The following CDKL5 variants were observed in gnomAD, a reference collection of about 807,000 sequenced individuals.
CDKL5 encodes cyclin dependent kinase like 5.
In CDKL5, 8 loss-of-function variants were observed where a neutral mutation model predicts 61.7. The ratio of observed to expected loss-of-function variants is 0.13; its 90% confidence interval spans 0.08 to 0.23. The LOEUF (loss-of-function observed/expected upper bound fraction) is 0.23, where lower values mean the gene tolerates loss of function less well. Ranked by LOEUF, CDKL5 falls within the 10% of genes least tolerant of loss-of-function variation. The pLI, the probability that CDKL5 is intolerant of heterozygous loss-of-function variation, is 1.00. For synonymous variants in CDKL5, 275 were observed against 272.3 expected, an observed-to-expected ratio of 1.01 and a Z score of -0.10; for missense variants, 440 against 734.5, an observed-to-expected ratio of 0.60 and a Z score of 4.63.
intron 1 of CDKL5, among the ~76,000 whole-genome samples, chrX:18,446,236 T>C (rs1465443779): frequency 2.0e-5 from 2 of 101,529 alleles, no homozygotes; most frequent in South Asian, 9.0e-4. Context: ...CGGGCACCTG[T>C]AATGGGAGGC....
At chrX:18,511,938 T>C (rs1014599108) in intron 3 of CDKL5, among the ~76,000 whole-genome samples, 1 of 111,932 alleles carries the variant, frequency 8.9e-6, no homozygotes, top group Non-Finnish European at 1.9e-5. Context: ...AGGTAGGTGT[T>C]TGGATATGAG....
chrX:18,433,790 T>C (rs1931551445), intron 1 of CDKL5, among the ~76,000 whole-genome samples: 1 of 112,425 alleles, frequency 8.9e-6, no homozygotes, highest in South Asian at 3.6e-4. Flanking sequence ...AAGGTAAAAG[T>C]AATGTAATTA....
chrX:18,432,099 CTTTT>C (rs139849633), intron 1 of CDKL5, among the ~76,000 whole-genome samples: 15 of 90,253 alleles, frequency 1.7e-4, no homozygotes, highest in Admixed American at 5.0e-4. Context: ...TTCTTTCTTT[CTTTT>C]TTTTTTTTTT....
chrX:18,551,603 T>TTAA (rs1184545862), intron 3 of CDKL5, among the ~76,000 whole-genome samples: 1 of 101,928 alleles, frequency 9.8e-6, no homozygotes, highest in Non-Finnish European at 2.0e-5. Context: ...ATTATTATTA[T>TTAA]TTGAGACAGA....
intron 1 of CDKL5, among the ~76,000 whole-genome samples, chrX:18,430,665 G>A (rs1260651598): frequency 4.6e-5 from 5 of 109,205 alleles, no homozygotes; most frequent in African/African-American, 1.0e-4. Context: ...GGCTGGTCTC[G>A]AACTCCTGAG....
intron 1 of CDKL5, among the ~76,000 whole-genome samples, chrX:18,438,811 A>G (rs184182068): frequency 3.7e-5 from 4 of 107,505 alleles, no homozygotes; most frequent in African/African-American, 1.0e-4. Flanking sequence ...AAAAAAAAAG[A>G]CAAGGATCTA....
intron 3 of CDKL5, among the ~76,000 whole-genome samples, chrX:18,511,704 G>A (rs1272163379): frequency 1.8e-5 from 2 of 111,572 alleles, no homozygotes; most frequent in Admixed American, 1.9e-4. Context: ...ATATTTTTCA[G>A]AATGTATTCT....
chrX:18,595,564 A>G, intron 10 of CDKL5, 136 bp downstream of exon 10: 1 of 484,191 alleles, frequency 2.1e-6, no homozygotes, highest in Non-Finnish European at 3.7e-6. Flanking sequence ...GAACTATGTC[A>G]TATTAAAAGG....
chrX:18,609,351 A>G, intron 13 of CDKL5, 114 bp from the exon 14 acceptor site: 1 of 1,145,506 alleles, frequency 8.7e-7, no homozygotes, highest in East Asian at 3.0e-5. Flanking sequence ...CCATGATCCT[A>G]CTACTGCACT....
At chrX:18,501,116 C>T (rs1208507165) in intron 1 of CDKL5, among the ~76,000 whole-genome samples, 1 of 111,384 alleles carries the variant, frequency 9.0e-6, no homozygotes, top group Non-Finnish European at 1.9e-5. Flanking sequence ...GCTAGGATTA[C>T]AGACGTGAGC....
rs765304220 is a variant in CDKL5, at chrX:18,637,201, G to C, written c.*8444G>C. ...AGGTCAGGAGTTCGAGACCAGCCTGGCCAACATGGTGAAACCCCGTCTCTA... is the reference window on the plus strand; with the variant it reads ...AGGTCAGGAGTTCGAGACCAGCCTGCCCAACATGGTGAAACCCCGTCTCTA... On this transcript the variant is annotated 3_prime_UTR_variant, in exon 18 of 18. Transcript: ENST00000623535. 3 of 111,416 alleles carry C rather than the reference G, an allele frequency of 2.7e-5. No individual in the cohort carries two copies. Among genetic ancestry groups the C allele is most frequent in the African/African-American group, 9.8e-5 (3 of 30,571 alleles). 9.2% of individuals were successfully genotyped at this position (111,416 alleles called of 1,213,427 possible).
intron 11 of CDKL5, among the ~76,000 whole-genome samples, chrX:18,599,287 T>C (rs1926105588): frequency 1.8e-5 from 2 of 112,028 alleles, no homozygotes; most frequent in Admixed American, 1.9e-4. Flanking sequence ...TCAATTCTGT[T>C]GGTTGCATGT....
intron 1 of CDKL5, among the ~76,000 whole-genome samples, chrX:18,478,445 C>T (rs760571835): frequency 9.3e-6 from 1 of 107,675 alleles, no homozygotes; most frequent in East Asian, 3.0e-4. Context: ...CATGCACCAC[C>T]ACACCTGGCT....
chrX:18,509,197 G>GCACGCACACACACACACACA (rs1204561636), intron 2 of CDKL5, among the ~76,000 whole-genome samples: 4 of 64,314 alleles, frequency 6.2e-5, no homozygotes, highest in East Asian at 6.9e-4. Context: ...CTCAAAACAC[G>GCACGCACACACACACACACA]CACACACACA....
In CDKL5 at chrX:18,582,029, TA is replaced by T. The variant is rs765735852; in HGVS notation, c.463+83del. The T allele has an allele frequency of 8.1e-5, 58 of 718,909 alleles. No homozygotes were observed. In the African/African-American group the frequency reaches 8.3e-4, roughly 10 times the overall value. 59.2% of individuals were successfully genotyped at this position (718,909 alleles called of 1,213,427 possible). On this transcript the variant is annotated intron_variant, in intron 7 of 17. Transcript: ENST00000623535. ...ACATAGGTAGCTTTTAAAGGAATAT[TA>T]AAAGTAATTGTTATGTTTTGACTTA... is the stretch of plus-strand genomic sequence containing the variant.
chrX:18,535,889 C>T (rs1396262586), intron 3 of CDKL5: 1 of 112,330 alleles, frequency 8.9e-6, no homozygotes, highest in African/African-American at 3.3e-5. Context: ...AAGCTAGTTC[C>T]TGGAGAAAGA....
chrX:18,466,015 C>T (rs891362212), intron 1 of CDKL5, among the ~76,000 whole-genome samples: 6 of 111,344 alleles, frequency 5.4e-5, no homozygotes, highest in Non-Finnish European at 1.1e-4. Flanking sequence ...CTTTTGTATC[C>T]CTCAGCTTTG....
At position 18,631,767 on chromosome X, in the gene CDKL5, A is replaced by G. The variant is rs763738621; in HGVS notation, c.*3010A>G. ...CCTCGTTTTTCCTCTCTGAAGTTCT[A>G]AATACCCTTTAACTGAACCTTGTTG... On this transcript the variant is annotated 3_prime_UTR_variant, in exon 18 of 18. Coordinates refer to ENST00000623535, the MANE Select transcript of CDKL5 (RefSeq NM_001323289.2). 1.5e-4 allele frequency: 112 copies of G among 752,037 alleles called. No homozygotes were observed. Among genetic ancestry groups the G allele is most frequent in the Non-Finnish European group, 1.7e-4 (107 of 638,544 alleles). The allele number at this position is 752,037 out of a possible 1,213,427, so 62.0% of individuals were successfully genotyped here.
intron 4 of CDKL5, among the ~76,000 whole-genome samples, chrX:18,570,949 A>G (rs1468715750): frequency 9.0e-6 from 1 of 111,334 alleles, no homozygotes; most frequent in Admixed American, 9.6e-5. Context: ...TGGGGTTTCT[A>G]TATATCTGCA....
Sources: gnomAD v4.1 joint callset for allele counts (sites outside exome capture counted in the v4.1 genomes callset) on GRCh38, gnomAD v4.1.1 for gene constraint, MANE v1.5 for transcripts, NCBI Gene and HGNC (gene_info 2026-07-23, HGNC 2026-07-21) for gene names.